PPP2R5B: variants seen among roughly 807,000 people sequenced by gnomAD.
The protein encoded by PPP2R5B is protein phosphatase 2 regulatory subunit B'beta, also known as serine/threonine-protein phosphatase 2A 56 kDa regulatory subunit beta isoform.
Under a neutral mutation model 59.9 loss-of-function variants are expected in PPP2R5B, and 19 were observed. The ratio of observed to expected loss-of-function variants is 0.32; its 90% CI spans 0.22 to 0.47. The LOEUF is 0.47. Ranked by LOEUF, PPP2R5B falls within the 20% of genes least tolerant of loss-of-function variation. PPP2R5B has a pLI of 1.00. For missense variants in PPP2R5B, 441 were observed against 640.2 expected (o/e 0.69, Z 3.36); for synonymous variants, 286 against 260.5 (o/e 1.10, Z -0.94).
At chr11:64,926,006 G>GGCA (rs1945160014) in intron 2 of PPP2R5B, 73 bp downstream of exon 2, 4 of 1,438,512 alleles carry the variant, frequency 2.8e-6, no homozygotes, top group Admixed American at 2.1e-5. Context: ...AGGGGTGGGA[G>GGCA]GCAGCGGGCA....
chr11:64,919,213 G>A (rs912920574), intron 1 of PPP2R5B, among the ~76,000 whole-genome samples: 2 of 152,074 alleles, frequency 1.3e-5, no homozygotes, highest in African/African-American at 4.8e-5. Context: ...TGTGATGGCG[G>A]GCGCCTGTAG....
chr11:64,918,179 C>T lies in PPP2R5B; in HGVS notation c.-265+539C>T, dbSNP rs981711129. 7 of 152,152 alleles carry T rather than the reference C, an allele frequency of 4.6e-5. No homozygotes were observed. The South Asian group carries it at 6.2e-4, about 13-fold the overall frequency. The allele number at this position is 152,152 out of a possible 1,614,324, so 9.4% of individuals were successfully genotyped here. A position where few individuals can be genotyped will look rare whatever the true frequency, so the allele number is the denominator to read the frequency against. On this transcript the variant is annotated intron_variant, in intron 1 of 4. Coordinates refer to the PPP2R5B transcript ENST00000526559. ...TTGCTCATTTGCTTAAGTTCTGCCCCGGGCTGCTTTCTTGCTACAAGAGCA... is the reference window on the plus strand; with the variant it reads ...TTGCTCATTTGCTTAAGTTCTGCCCTGGGCTGCTTTCTTGCTACAAGAGCA...
Position 64,934,209 on chromosome 11 carries a change from A to C in PPP2R5B, c.*365A>C, listed in dbSNP as rs560880457. 8 of 249,436 alleles carry C rather than the reference A, an allele frequency of 3.2e-5. No individual in the cohort carries two copies. Among genetic ancestry groups the C allele is most frequent in the Non-Finnish European group, 6.1e-5 (8 of 130,846 alleles). The allele number at this position is 249,436 out of a possible 1,614,324, so 15.5% of individuals were successfully genotyped here. On this transcript the variant is annotated 3_prime_UTR_variant, in exon 14 of 14. Coordinates refer to ENST00000164133, the MANE Select transcript of PPP2R5B (RefSeq NM_006244.4). Reference sequence around the variant, plus strand: ...GCCTGCCCCTGCCTTGGCCAATGCGAGGTCCTTCCTTATCCCCACCATGGG... The same window carrying C: ...GCCTGCCCCTGCCTTGGCCAATGCGCGGTCCTTCCTTATCCCCACCATGGG...
At position 64,925,724 on chromosome 11, in the gene PPP2R5B, G is replaced by A. The variant is rs780259025; in HGVS notation, c.-11G>A. Reference sequence around the variant, plus strand: ...CGGGGCTCTGAAAGCTTGCCCTGCCGCCTGACCGCCATGGAGACGAAGCTG... The same window carrying A: ...CGGGGCTCTGAAAGCTTGCCCTGCCACCTGACCGCCATGGAGACGAAGCTG... On this transcript the variant is annotated 5_prime_UTR_variant, in exon 2 of 14. Coordinates refer to ENST00000164133, the MANE Select transcript of PPP2R5B (RefSeq NM_006244.4). This position sits in a 1 kb window ranked among gnomAD's most constrained non-coding sequence, Gnocchi z 4.6. The A allele has an allele frequency of 1.2e-5, 19 of 1,571,934 alleles. No individual in the cohort carries two copies. Among genetic ancestry groups the A allele is most frequent in the South Asian group, 1.1e-4 (10 of 88,360 alleles).
upstream of PPP2R5B, chr11:64,924,677 G>A (rs1945139599): frequency 6.6e-6 from 1 of 152,308 alleles, no homozygotes; most frequent in Non-Finnish European, 1.5e-5. Flanking sequence ...GCCGGGTGGG[G>A]GGAGGTGACT....
At chr11:64,928,021 GAGGCTGTT>G in intron 4 of PPP2R5B, 37 bp from the exon 5 acceptor site, 1 of 1,594,412 alleles carries the variant, frequency 6.3e-7, no homozygotes, top group Middle Eastern at 1.7e-4. Context: ...ATGAGTGGGT[GAGGCTGTT>G]ACTGAACTCA....
Position 64,933,875 on chromosome 11 carries a change from C to T in PPP2R5B, c.*31C>T. On this transcript the variant is annotated 3_prime_UTR_variant, in exon 14 of 14. Coordinates refer to ENST00000164133, the MANE Select transcript of PPP2R5B (RefSeq NM_006244.4). ...ACCTCAGAAGGGGAAAAGCTAAACC[C>T]AGAGCTGTCAGTCCCTCTATCCCTT... 6.7e-7 allele frequency: 1 copy of T among 1,488,536 alleles called. No homozygotes were observed. Among genetic ancestry groups the T allele is most frequent in the Non-Finnish European group, 9.0e-7 (1 of 1,116,982 alleles). 92.2% of individuals were successfully genotyped at this position (1,488,536 alleles called of 1,614,324 possible). A position where few individuals can be genotyped will look rare whatever the true frequency, so the allele number is the denominator to read the frequency against.
At chr11:64,928,804 A>G (rs2136684353) in intron 6 of PPP2R5B, among the ~76,000 whole-genome samples, 1 of 152,286 alleles carries the variant, frequency 6.6e-6, no homozygotes, top group Admixed American at 6.5e-5. Flanking sequence ...GAATGGCGTG[A>G]ACCCGGGAAG....
chr11:64,925,438 G>T lies in PPP2R5B; in HGVS notation c.-264-33G>T. 1 of 323,818 alleles carries T rather than the reference G, an allele frequency of 3.1e-6. No homozygotes were observed. The highest frequency in any genetic ancestry group is 5.8e-6 in the Non-Finnish European group (1 of 172,736). 20.1% of individuals were successfully genotyped at this position (323,818 alleles called of 1,614,324 possible). On this transcript the variant is annotated intron_variant, in intron 1 of 13. Transcript: ENST00000164133. The surrounding 1 kb of genome is among the most constrained non-coding windows in gnomAD (Gnocchi z 4.6). The stretch of plus-strand genomic sequence containing the variant: ...GATGGGCTTTCTCTGTCTCTTTCTT[G>T]CTGATCTTTCTGCCTGACTTCGTTT...
chr11:64,919,591 G>A (rs185335613), intron 1 of PPP2R5B, among the ~76,000 whole-genome samples: 2 of 150,372 alleles, frequency 1.3e-5, no homozygotes, highest in East Asian at 2.0e-4. Flanking sequence ...AAAAAAAAAT[G>A]TTTCAAAAAA....
intron 1 of PPP2R5B, among the ~76,000 whole-genome samples, chr11:64,918,085 T>C (rs1208594900): frequency 1.3e-5 from 2 of 152,258 alleles, no homozygotes; most frequent in African/African-American, 2.4e-5. Flanking sequence ...GAACTTTTCA[T>C]GGCATGTGAA....
chr11:64,928,436 G>A lies in PPP2R5B; in HGVS notation c.722+11G>A. The A allele has an allele frequency of 6.2e-7, 1 of 1,614,046 alleles. No homozygotes were observed. Among genetic ancestry groups the A allele is most frequent in the Non-Finnish European group, 8.5e-7 (1 of 1,179,906 alleles). ...CCACATCTTCCTCCGGTGAGTGGCT[G>A]CTGCCTGCCCAGCAGAGACCTGGGG... On this transcript the variant is annotated intron_variant, in intron 6 of 13. Transcript: ENST00000164133.
chr11:64,919,353 AAAG>A (rs1326693665), intron 1 of PPP2R5B, among the ~76,000 whole-genome samples: 1 of 151,940 alleles, frequency 6.6e-6, no homozygotes, highest in African/African-American at 2.4e-5. Context: ...AAAAAAAAAA[AAAG>A]AAGAAACTGC....
rs543430935 is a variant in PPP2R5B, at chr11:64,925,571, C to A, written c.-164C>A. On this transcript the variant is annotated 5_prime_UTR_variant, in exon 2 of 14. Transcript: ENST00000164133. The surrounding 1 kb of genome is among the most constrained non-coding windows in gnomAD (Gnocchi z 4.6). ...ACCCTGTCTGCCCCCCAGGACTGGG[C>A]AGTTGCAGGAGGCCCTGGGGGGGGG... 23 of 589,052 alleles carry A rather than the reference C, an allele frequency of 3.9e-5. No homozygotes were observed. The highest frequency in any genetic ancestry group is 3.6e-4 in the African/African-American group (19 of 53,224). The allele number at this position is 589,052 out of a possible 1,614,324, so 36.5% of individuals were successfully genotyped here.
rs1386998379 is a variant in PPP2R5B at position 64,933,693 on chromosome 11, C to T, written c.1347-4C>T. ...AAGGGAGCTGCCTCACCCTCTCTCC[C>T]CAGGGAGCAGCAGAAGGCCCAGGAG... is the stretch of plus-strand genomic sequence containing the variant. On this transcript the variant is annotated splice_polypyrimidine_tract_variant and splice_region_variant and intron_variant, in intron 13 of 13. Coordinates refer to ENST00000164133, the MANE Select transcript of PPP2R5B (RefSeq NM_006244.4). 3.2e-6 allele frequency: 5 copies of T among 1,551,266 alleles called. No homozygotes were observed. Among genetic ancestry groups the T allele is most frequent in the South Asian group, 2.4e-5 (2 of 83,648 alleles).
intron 8 of PPP2R5B, 59 bp downstream of exon 8, chr11:64,930,648 G>A: frequency 7.2e-7 from 1 of 1,396,384 alleles, no homozygotes; most frequent in East Asian, 2.3e-5. Context: ...GGCAGCCAGT[G>A]GGTCCTGGAG....
chr11:64,918,739 A>G (rs1945075535), intron 1 of PPP2R5B, among the ~76,000 whole-genome samples: 1 of 152,148 alleles, frequency 6.6e-6, no homozygotes, highest in Non-Finnish European at 1.5e-5. Flanking sequence ...CCTGGGTTCA[A>G]GGAATTCCTG....
upstream of PPP2R5B, chr11:64,923,175 T>G (rs1945125716): frequency 6.6e-6 from 1 of 152,268 alleles, no homozygotes; most frequent in Admixed American, 6.5e-5. Flanking sequence ...AGTCTAGCCT[T>G]GAGACCAGGG....
rs1392339879 is a variant in PPP2R5B at position 64,919,340 on chromosome 11, C to T, written c.-265+1700C>T. On this transcript the variant is annotated intron_variant, in intron 1 of 4. Transcript: ENST00000526559. Reference sequence around the variant, plus strand: ...CCTGGCTGACAGAGCGAGATTCTGTCTCAAAAAAAAAAAAAGAAGAAACTG... The same window carrying T: ...CCTGGCTGACAGAGCGAGATTCTGTTTCAAAAAAAAAAAAAGAAGAAACTG... 2.3e-4 allele frequency among the ~76,000 whole-genome samples: 4 copies of T among 17,366 alleles called. No homozygotes were observed. The East Asian group carries it at 0.023, about 100-fold the overall frequency. The allele number at this position is 17,366 out of a possible 152,430, so 11.4% of individuals were successfully genotyped here.
Sources: gnomAD v4.1 joint callset for allele counts (sites outside exome capture counted in the v4.1 genomes callset) on GRCh38, gnomAD v4.1.1 for gene constraint, Gnocchi (gnomAD v3.1) non-coding constraint, MANE v1.5 for transcripts, NCBI Gene and HGNC (gene_info 2026-07-23, HGNC 2026-07-21) for gene names.